ZFAND3: variants seen among roughly 807,000 people sequenced by gnomAD.
ZFAND3 encodes the protein AN1-type zinc finger protein 3.
In ZFAND3, 10 loss-of-function variants were observed where a neutral mutation model predicts 29.6. The observed-to-expected ratio is 0.34, with a 90% CI of 0.21 to 0.57. The LOEUF is 0.57. ZFAND3 is among the 20% of genes least tolerant of loss of function. ZFAND3 has a pLI of 0.86. For missense variants in ZFAND3, 230 were observed against 304.5 expected (o/e 0.76, Z 1.82); for synonymous variants, 128 against 112.6 (o/e 1.14, Z -0.87).
intron 1 of ZFAND3, among the ~76,000 whole-genome samples, chr6:37,870,696 A>G (rs1764679690): frequency 6.6e-6 from 1 of 151,702 alleles, no homozygotes; most frequent in Admixed American, 6.6e-5. Context: ...TCTTTTGTGA[A>G]TGAATGAGAC....
intron 1 of ZFAND3, among the ~76,000 whole-genome samples, chr6:37,893,676 C>G (rs756163770): frequency 3.9e-4 from 60 of 152,206 alleles, no homozygotes; most frequent in Non-Finnish European, 7.8e-4. Flanking sequence ...GCCTCAGCCT[C>G]CTGAGTAGCT....
chr6:37,827,689 C>T (rs1251482852), intron 1 of ZFAND3, among the ~76,000 whole-genome samples: 1 of 152,226 alleles, frequency 6.6e-6, no homozygotes, highest in Non-Finnish European at 1.5e-5. Flanking sequence ...AGGGACAGAG[C>T]TGCAACAGTG....
chr6:38,011,986 G>A (rs1763161703), intron 2 of ZFAND3, among the ~76,000 whole-genome samples: 2 of 152,098 alleles, frequency 1.3e-5, no homozygotes, highest in Admixed American at 6.6e-5. Flanking sequence ...CTTAAAATTA[G>A]ACATTTGATA....
chr6:37,855,557 A>C (rs895613489), intron 1 of ZFAND3, among the ~76,000 whole-genome samples: 3 of 152,140 alleles, frequency 2.0e-5, no homozygotes, highest in African/African-American at 7.2e-5. Flanking sequence ...GTTTGAACCT[A>C]ATGAAAGAGG....
At chr6:38,096,766 G>C (rs1181503013) in intron 4 of ZFAND3, among the ~76,000 whole-genome samples, 1 of 151,972 alleles carries the variant, frequency 6.6e-6, no homozygotes, top group East Asian at 1.9e-4. Flanking sequence ...TGATTCTGTT[G>C]ACTTTGTCTT....
chr6:38,032,269 T>G (rs960458119), intron 2 of ZFAND3, among the ~76,000 whole-genome samples: 2 of 152,244 alleles, frequency 1.3e-5, no homozygotes, highest in Non-Finnish European at 2.9e-5. Context: ...AGATAATATT[T>G]GAAAATGTTC....
intron 2 of ZFAND3, among the ~76,000 whole-genome samples, chr6:37,933,883 ATTTTTTTT>A (rs58837762): frequency 2.6e-5 from 3 of 116,524 alleles, no homozygotes; most frequent in Non-Finnish European, 5.2e-5. Context: ...TCTCTCTCTC[ATTTTTTTT>A]TTTTTTTTTT....
intron 1 of ZFAND3, among the ~76,000 whole-genome samples, chr6:37,845,476 A>G (rs1405827759): frequency 6.6e-6 from 1 of 152,240 alleles, no homozygotes; most frequent in Non-Finnish European, 1.5e-5. Context: ...AATGATACAG[A>G]TAAGAAAATA....
At chr6:37,948,585 A>G (rs902301643) in intron 2 of ZFAND3, among the ~76,000 whole-genome samples, 6 of 152,192 alleles carry the variant, frequency 3.9e-5, no homozygotes, top group Admixed American at 3.3e-4. Context: ...TACCCAATAA[A>G]TAGTTTTTTG....
intron 3 of ZFAND3, among the ~76,000 whole-genome samples, chr6:38,071,755 T>G (rs908242034): frequency 1.3e-5 from 2 of 152,184 alleles, no homozygotes; most frequent in African/African-American, 4.8e-5. Flanking sequence ...TGCACAAGTT[T>G]AGAGACTAAG....
At chr6:38,061,425 AATCTT>A (rs1764236915) in intron 2 of ZFAND3, among the ~76,000 whole-genome samples, 163 bp from the exon 3 acceptor site, 1 of 152,180 alleles carries the variant, frequency 6.6e-6, no homozygotes, top group African/African-American at 2.4e-5. Flanking sequence ...ACCTTCCACT[AATCTT>A]AAACGTTTTT....
At position 37,937,673 on chromosome 6, in the gene ZFAND3, AG is replaced by A. The variant is rs59829233; in HGVS notation, c.112+7676del. 3.9e-3 allele frequency among the ~76,000 whole-genome samples: 576 copies of A among 147,700 alleles called. 46 individuals carry two copies. The highest frequency in any genetic ancestry group is 0.013 in the African/African-American group (507 of 39,994). ...CGTCTCAAAAAAAAAAAAAAAAAAA[AG>A]GCAAAAAAAGTAACTGCTGCTCTTA... On this transcript the variant is annotated intron_variant, in intron 2 of 5. Transcript: ENST00000287218.
At chr6:37,893,698 C>T (rs1238285838) in intron 1 of ZFAND3, among the ~76,000 whole-genome samples, 3 of 152,026 alleles carry the variant, frequency 2.0e-5, no homozygotes, top group Non-Finnish European at 4.4e-5. Flanking sequence ...GGATTACAGG[C>T]GCATGCCACA....
rs1412044745 is a variant in ZFAND3, at chr6:38,027,082, C to CT, written c.113-34510dup. 6.6e-5 allele frequency among the ~76,000 whole-genome samples: 10 copies of CT among 152,186 alleles called. No homozygotes were observed. In the South Asian group the frequency reaches 8.3e-4, roughly 13 times the overall value. The stretch of plus-strand genomic sequence containing the variant: ...GAGGTCTTCAAGAGCCTACAGGGCT[C>CT]TAAGGACACAGGTTCTAGTGATGGA... On this transcript the variant is annotated intron_variant, in intron 2 of 5. Transcript: ENST00000287218.
chr6:38,109,940 G>T (rs148624046), intron 4 of ZFAND3, among the ~76,000 whole-genome samples: 2 of 152,266 alleles, frequency 1.3e-5, no homozygotes, highest in African/African-American at 4.8e-5. Context: ...AGACCTCAAA[G>T]CTCAGGTGCA....
rs529596761 is a variant in ZFAND3 at position 37,859,323 on chromosome 6, G to A, written c.71+39307G>A. ...TTTCTATTAAAGACAGATGATCCTG[G>A]CACACTTTTGCTTAAATTTTATTTC... On this transcript the variant is annotated intron_variant, in intron 1 of 5. Coordinates refer to ENST00000287218, the MANE Select transcript of ZFAND3 (RefSeq NM_021943.3). Among the ~76,000 whole-genome samples the A allele has an allele frequency of 8.5e-4, 130 of 152,200 alleles. 1 individual carries two copies. The highest frequency in any genetic ancestry group is 3.1e-3 in the African/African-American group (128 of 41,514).
At position 37,921,995 on chromosome 6, in the gene ZFAND3, CG is replaced by C. The variant is rs1278507769; in HGVS notation, c.72-7962del. On this transcript the variant is annotated intron_variant, in intron 1 of 5. Coordinates refer to ENST00000287218, the MANE Select transcript of ZFAND3 (RefSeq NM_021943.3). The stretch of plus-strand genomic sequence containing the variant: ...GGGAGGATGGCTTGTGCCCAGGAGG[CG>C]GAGGTCACAGTGAGCCGAGATCACA... Among the ~76,000 whole-genome samples, 4 of 150,422 alleles carry C rather than the reference CG, an allele frequency of 2.7e-5. No homozygotes were observed. In the East Asian group the frequency reaches 7.8e-4, roughly 29 times the overall value.
At chr6:38,033,935 C>T (rs1278438244) in intron 2 of ZFAND3, among the ~76,000 whole-genome samples, 1 of 152,102 alleles carries the variant, frequency 6.6e-6, no homozygotes, top group Non-Finnish European at 1.5e-5. Context: ...AGGGTACTTA[C>T]TGTTTCAAAA....
chr6:38,017,700 TA>T (rs970582480), intron 2 of ZFAND3, among the ~76,000 whole-genome samples: 74 of 144,996 alleles, frequency 5.1e-4, no homozygotes, highest in Admixed American at 6.9e-4. Context: ...CTGCTCCCAT[TA>T]AAAAAAAAAA....
Sources: allele counts gnomAD v4.1 joint callset (sites outside exome capture counted in the v4.1 genomes callset), GRCh38; gene constraint gnomAD v4.1.1; transcripts MANE v1.5; gene names NCBI Gene and HGNC (gene_info 2026-07-23, HGNC 2026-07-21).